HOXB3: variants seen among roughly 807,000 people sequenced by gnomAD.
HOXB3 encodes homeobox protein Hox-B3.
HOXB3 carries 17 observed loss-of-function variants against 29.2 expected under a neutral mutation model. The ratio of observed to expected loss-of-function variants is 0.58; its 90% confidence interval spans 0.40 to 0.87. The LOEUF is 0.87. Ranked by LOEUF, HOXB3 falls within the 40% of genes least tolerant of loss-of-function variation. The pLI is 0.00. For synonymous variants in HOXB3, 317 were observed against 285.9 expected, an observed-to-expected ratio of 1.11 and a Z score of -1.10; for missense variants, 637 against 616.3, an observed-to-expected ratio of 1.03 and a Z score of -0.35.
rs201488339 is a variant in HOXB3 at position 48,551,148 on chromosome 17, C to T, written c.482G>A (p.Gly161Asp). The T allele has an allele frequency of 1.5e-6, 2 of 1,302,442 alleles. No individual in the cohort carries two copies. The highest frequency in any genetic ancestry group is 3.0e-5 in the East Asian group (1 of 33,706). 80.7% of individuals were successfully genotyped at this position (1,302,442 alleles called of 1,614,324 possible). The change falls in exon 5 of 5, where the codon GGC (glycine) becomes GAC (aspartate). Residue 161 changes from glycine to aspartate, a missense_variant. Gly to Asp is a moderately conservative substitution (Grantham distance 94). Coordinates refer to ENST00000498678, the MANE Select transcript of HOXB3 (RefSeq NM_001384749.1). ...CCCGCTGCCACCACTGCCTCCGCCG[C>T]CGCCGCCACCGCCGCCGCCACCACA... ...EGCGGGGGGG[G>D]GGGSGGSGGG...
intron 2 of HOXB3, among the ~76,000 whole-genome samples, chr17:48,566,460 G>C (rs1049905352): frequency 1.3e-5 from 2 of 151,004 alleles, no homozygotes; most frequent in Non-Finnish European, 3.0e-5. Flanking sequence ...AAAGAATAAA[G>C]AGGAAAAGCT....
At chr17:48,570,751 G>C (rs1015123826) in intron 2 of HOXB3, among the ~76,000 whole-genome samples, 1 of 152,226 alleles carries the variant, frequency 6.6e-6, no homozygotes, top group African/African-American at 2.4e-5. Flanking sequence ...GGCCAGGCCT[G>C]GACTCTGTAG....
Position 48,554,558 on chromosome 17 carries a change from C to G in HOXB3, c.-159+973G>C. ...GAAGGTTTGTGCACCCGGGTAGTCCCTGGCTGCTGCTGCCAGGCTGCCTCA... is the reference window on the plus strand; with the variant it reads ...GAAGGTTTGTGCACCCGGGTAGTCCGTGGCTGCTGCTGCCAGGCTGCCTCA... On this transcript the variant is annotated intron_variant, in intron 3 of 4. Coordinates refer to ENST00000498678, the MANE Select transcript of HOXB3 (RefSeq NM_001384749.1). The surrounding 1 kb of genome is among the most constrained non-coding windows in gnomAD (Gnocchi z 4.1). 1 of 695,744 alleles carries G rather than the reference C, an allele frequency of 1.4e-6. No individual in the cohort carries two copies. The highest frequency in any genetic ancestry group is 1.5e-5 in the South Asian group (1 of 67,170). 43.1% of individuals were successfully genotyped at this position (695,744 alleles called of 1,614,324 possible).
In HOXB3 at chr17:48,552,642, G is replaced by A. The variant is rs1052138956; in HGVS notation, c.-158-10C>T. 7 of 574,328 alleles carry A rather than the reference G, an allele frequency of 1.2e-5. No homozygotes were observed. Among genetic ancestry groups the A allele is most frequent in the African/African-American group, 1.9e-5 (1 of 51,370 alleles). 35.6% of individuals were successfully genotyped at this position (574,328 alleles called of 1,614,324 possible). A position where few individuals can be genotyped will look rare whatever the true frequency, so the allele number is the denominator to read the frequency against. On this transcript the variant is annotated splice_polypyrimidine_tract_variant and intron_variant, in intron 3 of 4. Coordinates refer to ENST00000498678, the MANE Select transcript of HOXB3 (RefSeq NM_001384749.1). ...GTTCCAAGCGGCTGACCTGCGAGGC[G>A]AGAGAAGAGACACAAGGGGGAGAAG...
intron 2 of HOXB3, among the ~76,000 whole-genome samples, chr17:48,561,523 C>G (rs1432320359): frequency 6.6e-6 from 1 of 152,244 alleles, no homozygotes; most frequent in Non-Finnish European, 1.5e-5. Flanking sequence ...AATAAACATG[C>G]AGTAACTTCT....
intron 2 of HOXB3, among the ~76,000 whole-genome samples, chr17:48,570,621 C>T (rs1390120052): frequency 6.6e-6 from 1 of 152,152 alleles, no homozygotes; most frequent in East Asian, 1.9e-4. Flanking sequence ...CTTAACAAGC[C>T]CCAAAGAAAC....
intron 2 of HOXB3, among the ~76,000 whole-genome samples, chr17:48,569,232 T>A (rs1168669662): frequency 6.6e-6 from 1 of 151,914 alleles, no homozygotes; most frequent in Non-Finnish European, 1.5e-5. Context: ...GGGAAGGGGG[T>A]CTTTCGATTT....
In HOXB3 at chr17:48,554,662, C is replaced by T. The variant is rs1040342985; in HGVS notation, c.-159+869G>A. 7 of 702,156 alleles carry T rather than the reference C, an allele frequency of 1.0e-5. No homozygotes were observed. Among genetic ancestry groups the T allele is most frequent in the Admixed American group, 8.0e-5 (4 of 49,992 alleles). 43.5% of individuals were successfully genotyped at this position (702,156 alleles called of 1,614,324 possible). ...GCCCAAGGAGGCGAAGAAGAGCAAGCGATCAGGACACCAAAACGGTTATCG... is the reference window on the plus strand; with the variant it reads ...GCCCAAGGAGGCGAAGAAGAGCAAGTGATCAGGACACCAAAACGGTTATCG... On this transcript the variant is annotated intron_variant, in intron 3 of 4. Coordinates refer to ENST00000498678, the MANE Select transcript of HOXB3 (RefSeq NM_001384749.1). This position sits in a 1 kb window ranked among gnomAD's most constrained non-coding sequence, Gnocchi z 4.1.
rs1311839158 is a variant in HOXB3, at chr17:48,552,626, G to T, written c.-152C>A. On this transcript the variant is annotated 5_prime_UTR_variant, in exon 4 of 5. Coordinates refer to ENST00000498678, the MANE Select transcript of HOXB3 (RefSeq NM_001384749.1). ...CCCTCCTCCGGGGTCTGTTCCAAGC[G>T]GCTGACCTGCGAGGCGAGAGAAGAG... 5 of 593,050 alleles carry T rather than the reference G, an allele frequency of 8.4e-6. No homozygotes were observed. The highest frequency in any genetic ancestry group is 3.8e-5 in the Admixed American group (1 of 26,344). 36.7% of individuals were successfully genotyped at this position (593,050 alleles called of 1,614,324 possible). A position where few individuals can be genotyped will look rare whatever the true frequency, so the allele number is the denominator to read the frequency against.
chr17:48,564,272 C>T (rs2069305502), intron 2 of HOXB3, among the ~76,000 whole-genome samples: 1 of 151,680 alleles, frequency 6.6e-6, no homozygotes, highest in Non-Finnish European at 1.5e-5. Context: ...TGGGTGCGCG[C>T]GGGGGCCGAC....
intron 2 of HOXB3, among the ~76,000 whole-genome samples, chr17:48,564,461 T>G (rs1194946875): frequency 6.8e-6 from 1 of 147,322 alleles, no homozygotes; most frequent in Non-Finnish European, 1.5e-5. Context: ...TTGTTCGGCC[T>G]CCAGGGCCCC....
At position 48,573,909 on chromosome 17, in the gene HOXB3, A is replaced by G. The variant is rs1458603097; in HGVS notation, c.-319T>C. On this transcript the variant is annotated 5_prime_UTR_variant, in exon 2 of 5. Transcript: ENST00000498678. ...ATGACGAAGGGCTTCTTCCAAACTG[A>G]GAGAAAAAAGTTTTCAACTTTATGG... 1.4e-6 allele frequency: 1 copy of G among 699,808 alleles called. No individual in the cohort carries two copies. Among genetic ancestry groups the G allele is most frequent in the Non-Finnish European group, 2.6e-6 (1 of 384,218 alleles). The allele number at this position is 699,808 out of a possible 1,614,324, so 43.3% of individuals were successfully genotyped here.
chr17:48,568,236 T>C lies in HOXB3; in HGVS notation c.-247+5601A>G, dbSNP rs1040265858. 4.5e-4 allele frequency among the ~76,000 whole-genome samples: 68 copies of C among 152,292 alleles called. 1 individual carries two copies. Among genetic ancestry groups the C allele is most frequent in the African/African-American group, 1.6e-3 (66 of 41,558 alleles). On this transcript the variant is annotated intron_variant, in intron 2 of 4. Coordinates refer to ENST00000498678, the MANE Select transcript of HOXB3 (RefSeq NM_001384749.1). ...CTCCTGGAGGGGAGCTGCTAAAAAA[T>C]GGAGCTCTGTCTGCTGCTGCAGGAA...
Position 48,552,316 on chromosome 17 carries a change from C to T in HOXB3, c.159G>A (p.Ser53=). The change falls in exon 4 of 5, where the codon TCG becomes TCA. Residue 53 remains serine (S), a synonymous_variant. Transcript: ENST00000498678. ...LEGDYQRSAC[S]LQSLGNAAPH... is the part of the protein sequence containing the mutation. Reference sequence around the variant, plus strand: ...GGGCAGCGTTGCCCAGGGACTGCAGCGAGCAAGCTGAGCGCTGGTAGTCGC... The same window carrying T: ...GGGCAGCGTTGCCCAGGGACTGCAGTGAGCAAGCTGAGCGCTGGTAGTCGC... 3 of 1,614,072 alleles carry T rather than the reference C, an allele frequency of 1.9e-6. No homozygotes were observed. Among genetic ancestry groups the T allele is most frequent in the Non-Finnish European group, 2.5e-6 (3 of 1,179,998 alleles).
chr17:48,550,957 G>A lies in HOXB3; in HGVS notation c.673C>T (p.Leu225=). ...RPRRVEMANL[L]NLSERQIKIW... ...TTGATCTGCCGCTCGCTGAGGTTCA[G>A]CAGGTTGGCCATCTCTACACGGCGA... The change falls in exon 5 of 5, where the codon CTG becomes TTG. Residue 225 remains leucine, a synonymous_variant. Transcript: ENST00000498678. The A allele has an allele frequency of 6.2e-7, 1 of 1,613,996 alleles. No individual in the cohort carries two copies. The highest frequency in any genetic ancestry group is 1.1e-5 in the South Asian group (1 of 91,088).
At chr17:48,576,205 C>G (rs2069753402) in intron 1 of HOXB3, 1 of 153,262 alleles carries the variant, frequency 6.5e-6, no homozygotes, top group Non-Finnish European at 1.5e-5. Context: ...AAAGGAAATC[C>G]AGGCTGTCTT....
intron 1 of HOXB3, chr17:48,580,309 C>T (rs2069902476): frequency 7.0e-6 from 1 of 142,874 alleles, no homozygotes; most frequent in South Asian, 2.2e-4. Context: ...CTCCCCTCCC[C>T]CCAGGACTTT....
At chr17:48,579,294 C>G (rs2069872875) in intron 1 of HOXB3, 1 of 152,288 alleles carries the variant, frequency 6.6e-6, no homozygotes, top group Middle Eastern at 3.1e-3. Context: ...CAATACTAAC[C>G]ATGGGTCCGA....
At chr17:48,571,579 T>G (rs1346323719) in intron 2 of HOXB3, among the ~76,000 whole-genome samples, 2 of 152,230 alleles carry the variant, frequency 1.3e-5, no homozygotes, top group East Asian at 3.8e-4. Flanking sequence ...TCTCTCTCCT[T>G]TTCCCTTTGG....
Sources: gnomAD v4.1 joint callset for allele counts (sites outside exome capture counted in the v4.1 genomes callset) on GRCh38, gnomAD v4.1.1 for gene constraint, Gnocchi (gnomAD v3.1) non-coding constraint, MANE v1.5 for transcripts, NCBI Gene and HGNC (gene_info 2026-07-23, HGNC 2026-07-21) for gene names.